Variants in EIF3H observed in about 807,000 individuals in gnomAD.
EIF3H encodes eIF-3-gamma.
EIF3H carries 26 observed loss-of-function variants against 44.2 expected under a neutral mutation model. That is an observed-to-expected ratio of 0.59 (90% CI 0.43 to 0.82). The LOEUF is 0.82. EIF3H is among the 40% of genes least tolerant of loss of function. The probability of loss-of-function intolerance (pLI) is 0.00; values close to 1 mark genes in which losing one functional copy is unlikely to be tolerated. For missense variants in EIF3H, 359 were observed against 432.8 expected (o/e 0.83, Z 1.51); for synonymous variants, 166 against 151.9 (o/e 1.09, Z -0.68).
At chr8:116,657,885 C>T (rs922834622) in intron 3 of EIF3H, 1 of 153,138 alleles carries the variant, frequency 6.5e-6, no homozygotes, top group African/African-American at 2.4e-5. Flanking sequence ...CGCTGAAACA[C>T]TCCATGAGTA....
At chr8:116,760,510 T>A (rs1815508512), upstream of EIF3H, among the ~76,000 whole-genome samples, 1 of 152,244 alleles carries the variant, frequency 6.6e-6, no homozygotes, top group African/African-American at 2.4e-5. Context: ...TTCTGTATGT[T>A]TGCTAAAATA....
At chr8:116,674,321 T>TC (rs1490529371) in intron 2 of EIF3H, among the ~76,000 whole-genome samples, 2 of 14,332 alleles carry the variant, frequency 1.4e-4, no homozygotes, top group Non-Finnish European at 6.4e-4. Flanking sequence ...GGGGTGGAGG[T>TC]GGGGGGGGGT....
intron 2 of EIF3H, among the ~76,000 whole-genome samples, chr8:116,724,661 C>T (rs117500488): frequency 0.01 from 1,576 of 151,958 alleles, 12 homozygotes; most frequent in Non-Finnish European, 0.017. Context: ...CAAAGATATA[C>T]AAATCACCAA....
chr8:116,715,326 T>C (rs1247178601), intron 2 of EIF3H, among the ~76,000 whole-genome samples: 1 of 150,938 alleles, frequency 6.6e-6, no homozygotes, highest in African/African-American at 2.4e-5. Context: ...GTAACAATTT[T>C]CTCCTACTGA....
intron 2 of EIF3H, among the ~76,000 whole-genome samples, chr8:116,719,233 T>C (rs1207834222): frequency 6.6e-6 from 1 of 152,164 alleles, no homozygotes; most frequent in African/African-American, 2.4e-5. Flanking sequence ...AACTGCATAA[T>C]AATGGGCCCT....
chr8:116,685,453 C>T (rs933727002), intron 2 of EIF3H, among the ~76,000 whole-genome samples: 5 of 152,280 alleles, frequency 3.3e-5, no homozygotes, highest in African/African-American at 9.6e-5. Context: ...AAGTATACTT[C>T]GGTTCAGAAC....
At chr8:116,752,764 G>GAAA (rs1563663137) in intron 1 of EIF3H, among the ~76,000 whole-genome samples, 13 of 32,784 alleles carry the variant, frequency 4.0e-4, no homozygotes, top group African/African-American at 1.3e-3. Flanking sequence ...AGGGAGGGAG[G>GAAA]GAGGGAGGGA....
At chr8:116,728,212 CA>C (rs1814885008) in intron 1 of EIF3H, among the ~76,000 whole-genome samples, 2 of 152,176 alleles carry the variant, frequency 1.3e-5, no homozygotes, top group African/African-American at 4.8e-5. Flanking sequence ...CATTGTATGA[CA>C]GGCAATAATC....
chr8:116,705,183 T>C (rs1309680161), intron 2 of EIF3H, among the ~76,000 whole-genome samples: 1 of 152,188 alleles, frequency 6.6e-6, no homozygotes, highest in Non-Finnish European at 1.5e-5. Flanking sequence ...GATACCTATA[T>C]ACATATTTTC....
chr8:116,750,556 C>A (rs140639237), intron 1 of EIF3H, among the ~76,000 whole-genome samples: 1 of 151,794 alleles, frequency 6.6e-6, no homozygotes, highest in Admixed American at 6.6e-5. Flanking sequence ...ACTACAGGCA[C>A]CCGCCACCAC....
rs10054 is a variant in EIF3H, at chr8:116,644,942, C to G, written c.*64G>C. 9,622 of 1,279,594 alleles carry G rather than the reference C, an allele frequency of 7.5e-3. 533 individuals are homozygous for G. In the African/African-American group the frequency reaches 0.12, roughly 16 times the overall value. 79.3% of individuals were successfully genotyped at this position (1,279,594 alleles called of 1,614,324 possible). On this transcript the variant is annotated 3_prime_UTR_variant, in exon 8 of 8. Coordinates refer to ENST00000521861, the MANE Select transcript of EIF3H (RefSeq NM_003756.3). ...TTTCAATATGCAAATATATTTCTTC[C>G]AAGAGTTGCCCTGGTGTGACTTCAA...
At position 116,655,866 on chromosome 8, in the gene EIF3H, G is replaced by A; in HGVS notation, c.697C>T (p.Leu233Phe). 6.2e-7 allele frequency: 1 copy of A among 1,613,668 alleles called. No homozygotes were observed. Among genetic ancestry groups the A allele is most frequent in the Non-Finnish European group, 8.5e-7 (1 of 1,179,718 alleles). ...AVADKHELLS[L>F]ASSNHLGKNL... ...GGCAGGGCCACTTACCTGCTGGCAA[G>A]GCTGAGCAATTCATGTTTATCTGCA... The change falls in exon 5 of 8, where the codon CTT becomes TTT. Residue 233 changes from leucine (L) to phenylalanine (F), a missense_variant. Leu to Phe is a conservative substitution (Grantham distance 22, BLOSUM62 0). Transcript: ENST00000521861.
At chr8:116,752,744 A>AGAAGG (rs1491317893) in intron 1 of EIF3H, among the ~76,000 whole-genome samples, 23 of 114,072 alleles carry the variant, frequency 2.0e-4, no homozygotes, top group South Asian at 3.6e-4. Context: ...AGAGAAAGAA[A>AGAAGG]GAAAGAAAGA....
chr8:116,661,337 T>C (rs1181191743), intron 2 of EIF3H, among the ~76,000 whole-genome samples: 1 of 152,180 alleles, frequency 6.6e-6, no homozygotes, highest in Non-Finnish European at 1.5e-5. Context: ...AATCAAAACT[T>C]ATGCAACGTA....
intron 1 of EIF3H, among the ~76,000 whole-genome samples, chr8:116,750,003 T>C (rs1180929452): frequency 1.3e-5 from 2 of 152,304 alleles, no homozygotes; most frequent in African/African-American, 4.8e-5. Flanking sequence ...AGGCTAAACA[T>C]AGGATGAGAT....
At chr8:116,688,273 T>C (rs1201515002) in intron 2 of EIF3H, among the ~76,000 whole-genome samples, 1 of 152,100 alleles carries the variant, frequency 6.6e-6, no homozygotes, top group African/African-American at 2.4e-5. Context: ...ATAAGGGCTG[T>C]GAAATGGCTA....
At chr8:116,760,705 C>CTA (rs1275952735), upstream of EIF3H, among the ~76,000 whole-genome samples, 3 of 152,036 alleles carry the variant, frequency 2.0e-5, no homozygotes, top group African/African-American at 7.2e-5. Flanking sequence ...ATTATAAATA[C>CTA]TAGACTTTGA....
chr8:116,690,609 T>C (rs1016525257), intron 2 of EIF3H, among the ~76,000 whole-genome samples: 4 of 152,224 alleles, frequency 2.6e-5, no homozygotes, highest in African/African-American at 9.6e-5. Context: ...ATAGCAGACA[T>C]TTAAGCCTAG....
At chr8:116,754,470 T>C (rs1044735493) in intron 1 of EIF3H, among the ~76,000 whole-genome samples, 23 of 152,244 alleles carry the variant, frequency 1.5e-4, no homozygotes, top group African/African-American at 5.5e-4. Context: ...AGTTAATCTC[T>C]TGCCTGCATC....
Sources: gnomAD v4.1 joint callset for allele counts (sites outside exome capture counted in the v4.1 genomes callset) on GRCh38, gnomAD v4.1.1 for gene constraint, MANE v1.5 for transcripts, NCBI Gene and HGNC (gene_info 2026-07-23, HGNC 2026-07-21) for gene names.